Variants in TCF25 observed in about 807,000 individuals in gnomAD.
TCF25 encodes ribosome quality control complex subunit TCF25.
Under a neutral mutation model 83.1 loss-of-function variants are expected in TCF25, and 41 were observed. The observed-to-expected ratio is 0.49, with a 90% confidence interval of 0.38 to 0.64. The LOEUF (loss-of-function observed/expected upper bound fraction) is 0.64. Among genes scored for constraint, TCF25 ranks in the 30% least tolerant of loss-of-function variants. TCF25 has a pLI of 0.00. For synonymous variants in TCF25, 458 were observed against 365.0 expected, an observed-to-expected ratio of 1.25 and a Z score of -2.90; for missense variants, 979 against 914.5, an observed-to-expected ratio of 1.07 and a Z score of -0.91.
chr16:89,895,968 C>T, intron 8 of TCF25, 22 bp from the exon 9 acceptor site: 1 of 1,609,972 alleles, frequency 6.2e-7, no homozygotes, highest in East Asian at 2.2e-5. Flanking sequence ...GACACCCTCC[C>T]CTGGCGTCCC....
At position 89,878,172 on chromosome 16, in the gene TCF25, C is replaced by T. The variant is rs541125072; in HGVS notation, c.192+4313C>T. Among the ~76,000 whole-genome samples, 26 of 151,938 alleles carry T rather than the reference C, an allele frequency of 1.7e-4. No homozygotes were observed. In the East Asian group the frequency reaches 3.1e-3, roughly 18 times the overall value. ...GCACTCACCTGTGGTCACAGCTACT[C>T]GGGAGGCTGAGACGGGAGGATGGCT... On this transcript the variant is annotated intron_variant, in intron 1 of 17. Coordinates refer to ENST00000263346, the MANE Select transcript of TCF25 (RefSeq NM_014972.3).
chr16:89,889,615 A>T (rs1011176336), intron 5 of TCF25: 2 of 157,586 alleles, frequency 1.3e-5, no homozygotes, highest in African/African-American at 4.9e-5. Context: ...CAATGGCTCA[A>T]TCTTGGCTCA....
chr16:89,887,948 T>TCA (rs1343743780), intron 5 of TCF25, among the ~76,000 whole-genome samples: 7 of 152,212 alleles, frequency 4.6e-5, no homozygotes, highest in Admixed American at 3.9e-4. Context: ...TCTCCATCCC[T>TCA]CACACTGCCT....
rs1403190151 is a variant in TCF25, at chr16:89,896,050, C to A, written c.989C>A (p.Ala330Asp). ...FHPLFSLTSGACRLDYRRPEN... is the reference protein window; with the variant it reads ...FHPLFSLTSGDCRLDYRRPEN... Reference sequence around the variant, plus strand: ...CCCCTGTTCAGTCTCACCAGTGGGGCCTGCCGGCTGGATTACCGCAGACCC... The same window carrying A: ...CCCCTGTTCAGTCTCACCAGTGGGGACTGCCGGCTGGATTACCGCAGACCC... The change falls in exon 9 of 18, where the codon GCC becomes GAC. Residue 330 changes from alanine to aspartate, a missense_variant. Coordinates refer to ENST00000263346, the MANE Select transcript of TCF25 (RefSeq NM_014972.3). 1 of 1,613,878 alleles carries A rather than the reference C, an allele frequency of 6.2e-7. No homozygotes were observed. The highest frequency in any genetic ancestry group is 1.1e-5 in the South Asian group (1 of 91,078).
chr16:89,886,911 C>T (rs1011442422), intron 4 of TCF25, among the ~76,000 whole-genome samples: 4 of 152,186 alleles, frequency 2.6e-5, no homozygotes, highest in Non-Finnish European at 5.9e-5. Flanking sequence ...CCACTGCACT[C>T]CAGCCTGGGT....
At position 89,885,131 on chromosome 16, in the gene TCF25, C is replaced by T. The variant is rs138361835; in HGVS notation, c.429+475C>T. On this transcript the variant is annotated intron_variant, in intron 3 of 17. Coordinates refer to ENST00000263346, the MANE Select transcript of TCF25 (RefSeq NM_014972.3). ...CTCTCCCTCTGCCTGACGCTCTCTC[C>T]ATTCTCTTCTGGCTGTTTTCCAAGG... Among the ~76,000 whole-genome samples the T allele has an allele frequency of 1.1e-3, 174 of 152,280 alleles. 1 individual carries two copies. Among genetic ancestry groups the T allele is most frequent in the Non-Finnish European group, 2.0e-3 (137 of 68,018 alleles).
At chr16:89,881,087 C>T (rs1423149290) in intron 1 of TCF25, among the ~76,000 whole-genome samples, 1 of 152,198 alleles carries the variant, frequency 6.6e-6, no homozygotes, top group East Asian at 1.9e-4. Flanking sequence ...TAAGTTGCTC[C>T]TGACTTGTCT....
At chr16:89,879,137 G>T (rs2042408520) in intron 1 of TCF25, among the ~76,000 whole-genome samples, 1 of 150,520 alleles carries the variant, frequency 6.6e-6, no homozygotes, top group Admixed American at 6.6e-5. Context: ...ATGGGCTTCG[G>T]GGCCTGTCAT....
chr16:89,881,071 C>T (rs912707728), intron 1 of TCF25, among the ~76,000 whole-genome samples: 2 of 152,184 alleles, frequency 1.3e-5, no homozygotes, highest in South Asian at 2.1e-4. Context: ...ATTTTCTCAA[C>T]GGGCGTAAGT....
Position 89,898,623 on chromosome 16 carries a change from G to A in TCF25, c.1089G>A (p.Ala363=), listed in dbSNP as rs2044071975. 6.2e-6 allele frequency: 10 copies of A among 1,612,848 alleles called. No homozygotes were observed. Among genetic ancestry groups the A allele is most frequent in the Admixed American group, 5.0e-5 (3 of 60,014 alleles). Residue 363 remains alanine (A), a synonymous_variant, in exon 10 of 18, where the codon GCG becomes GCA. Transcript: ENST00000263346. Reference sequence around the variant, plus strand: ...AGAAGCGAGGCTGCCCGCGCACGGCGCTGGAGTACTGCAAGCTCATCCTGA... The same window carrying A: ...AGAAGCGAGGCTGCCCGCGCACGGCACTGGAGTACTGCAAGCTCATCCTGA... ...FLEKRGCPRT[A]LEYCKLILSL...
chr16:89,875,513 G>GT (rs1193815042), intron 1 of TCF25, among the ~76,000 whole-genome samples: 1,617 of 66,010 alleles, frequency 0.024, 496 homozygotes, highest in African/African-American at 0.07. Flanking sequence ...CCTGACGTGA[G>GT]TTTTTTTTTT....
At position 89,874,332 on chromosome 16, in the gene TCF25, G is replaced by A. The variant is rs561245520; in HGVS notation, c.192+473G>A. The stretch of plus-strand genomic sequence containing the variant: ...GCTAAAGACGGGGGGGTGGCGAGGC[G>A]ATGGCGTGGGCGGGGTTAAATGAGG... On this transcript the variant is annotated intron_variant, in intron 1 of 17. Coordinates refer to ENST00000263346, the MANE Select transcript of TCF25 (RefSeq NM_014972.3). Among the ~76,000 whole-genome samples, 23 of 151,230 alleles carry A rather than the reference G, an allele frequency of 1.5e-4. No individual in the cohort carries two copies. In the East Asian group the frequency reaches 4.5e-3, roughly 30 times the overall value.
intron 11 of TCF25, among the ~76,000 whole-genome samples, chr16:89,899,450 G>A (rs535472634): frequency 9.2e-5 from 14 of 152,252 alleles, no homozygotes; most frequent in South Asian, 2.1e-4. Context: ...ATTTAAATTG[G>A]GCCGGGCATG....
At chr16:89,900,281 C>T (rs952710952) in intron 11 of TCF25, among the ~76,000 whole-genome samples, 1 of 152,072 alleles carries the variant, frequency 6.6e-6, no homozygotes, top group African/African-American at 2.4e-5. Context: ...CTCACAGACT[C>T]GCGCGGGGGT....
chr16:89,906,435 G>A lies in TCF25; in HGVS notation c.1719+151G>A, dbSNP rs2044791607. On this transcript the variant is annotated intron_variant, in intron 15 of 17. Transcript: ENST00000263346. The stretch of plus-strand genomic sequence containing the variant: ...GCAGGGGCAGGGTCTAGTGCAGAGG[G>A]CTCCTCCTTTCCTGGCAGCCCGGGT... 1.2e-5 allele frequency: 8 copies of A among 674,244 alleles called. No homozygotes were observed. The East Asian group carries it at 1.9e-4, about 16-fold the overall frequency. The allele number at this position is 674,244 out of a possible 1,614,324, so 41.8% of individuals were successfully genotyped here.
chr16:89,910,865 C>T (rs1057455478), intron 17 of TCF25, among the ~76,000 whole-genome samples: 3 of 152,352 alleles, frequency 2.0e-5, no homozygotes, highest in South Asian at 4.1e-4. Context: ...GATGCAGGGC[C>T]GTGAGTCAGC....
At chr16:89,909,294 A>G in intron 16 of TCF25, 1 of 522,204 alleles carries the variant, frequency 1.9e-6, no homozygotes. Flanking sequence ...GGCAAATCAC[A>G]AGGTCAAGAG....
Position 89,911,210 on chromosome 16 carries a change from A to T in TCF25, c.2003A>T (p.Asp668Val). 1 of 1,612,418 alleles carries T rather than the reference A, an allele frequency of 6.2e-7. No homozygotes were observed. The highest frequency in any genetic ancestry group is 8.5e-7 in the Non-Finnish European group (1 of 1,179,908). ...GACCTGGAGGCGCCGCACGAGGACG[A>T]CGCTGAGGGGGAGGGGGAGTGGGAC... ...LNDLEAPHED[D>V]AEGEGEWD Residue 668 changes from aspartate (D) to valine (V), a missense_variant, in exon 18 of 18, where the codon GAC (aspartate) becomes GTC (valine). Asp to Val is a radical substitution (Grantham distance 152, BLOSUM62 -3). Coordinates refer to ENST00000263346, the MANE Select transcript of TCF25 (RefSeq NM_014972.3).
intron 9 of TCF25, among the ~76,000 whole-genome samples, chr16:89,897,819 CAAGAT>C (rs148056677): frequency 0.16 from 23,646 of 152,016 alleles, 1,987 homozygotes; most frequent in Middle Eastern, 0.35. Context: ...AACAAAAAAA[CAAGAT>C]AAAGATTTCA....
Sources: gnomAD v4.1 joint callset for allele counts (sites outside exome capture counted in the v4.1 genomes callset) on GRCh38, gnomAD v4.1.1 for gene constraint, MANE v1.5 for transcripts, NCBI Gene and HGNC (gene_info 2026-07-23, HGNC 2026-07-21) for gene names.